PTPRD: variants seen among roughly 807,000 people sequenced by gnomAD.
PTPRD encodes the protein receptor-type tyrosine-protein phosphatase delta.
In PTPRD, 34 loss-of-function variants were observed where a neutral mutation model predicts 214.5. The observed-to-expected ratio is 0.16, with a 90% CI of 0.12 to 0.21. PTPRD has a LOEUF of 0.21. Among genes scored for constraint, PTPRD ranks in the 10% least tolerant of loss-of-function variants. PTPRD has a pLI of 1.00. For missense variants in PTPRD, 2,545 were observed against 2,398.7 expected (o/e 1.06, Z -1.27); for synonymous variants, 1,128 against 845.7 (o/e 1.33, Z -5.79).
chr9:10,247,033 G>C (rs542845173), intron 3 of PTPRD, among the ~76,000 whole-genome samples: 1 of 152,072 alleles, frequency 6.6e-6, no homozygotes, highest in Non-Finnish European at 1.5e-5. Context: ...TAAAAATACA[G>C]AATTGCTATA....
intron 3 of PTPRD, among the ~76,000 whole-genome samples, chr9:10,075,213 T>C (rs1233409468): frequency 6.6e-6 from 1 of 152,116 alleles, no homozygotes; most frequent in Non-Finnish European, 1.5e-5. Context: ...TTTTTATTAC[T>C]GAAAACCTAC....
intron 11 of PTPRD, chr9:8,861,948 A>G (rs2098114358): frequency 6.6e-6 from 1 of 152,248 alleles, no homozygotes; most frequent in Admixed American, 6.5e-5. Context: ...GTCCTCAAAT[A>G]ACAATATTCA....
In PTPRD at chr9:9,492,683, C is replaced by A. The variant is rs539016610; in HGVS notation, c.-237+82049G>T. Among the ~76,000 whole-genome samples the A allele has an allele frequency of 4.1e-3, 621 of 151,232 alleles. 1 individual carries two copies. Among genetic ancestry groups the A allele is most frequent in the Non-Finnish European group, 5.9e-3 (399 of 67,800 alleles). On this transcript the variant is annotated intron_variant, in intron 8 of 45. Transcript: ENST00000381196. The stretch of plus-strand genomic sequence containing the variant: ...TAATAAAAGTCACGTACAGGCATAC[C>A]TTGTTTTATTATGGTTCACTTTATT...
chr9:8,704,758 C>CAAAAAAAAAAAAA (rs569357894), intron 12 of PTPRD, among the ~76,000 whole-genome samples: 33 of 137,890 alleles, frequency 2.4e-4, no homozygotes, highest in African/African-American at 8.5e-4. Context: ...ACTAAAAATA[C>CAAAAAAAAAAAAA]AAAAAAAAAA....
intron 9 of PTPRD, among the ~76,000 whole-genome samples, chr9:9,184,591 T>C (rs896308770): frequency 6.6e-6 from 1 of 152,086 alleles, no homozygotes; most frequent in South Asian, 2.1e-4. Flanking sequence ...GCGTTTTATG[T>C]AAATGAGAAT....
At chr9:8,922,408 C>G (rs150788232) in intron 11 of PTPRD, among the ~76,000 whole-genome samples, 273 of 152,258 alleles carry the variant, frequency 1.8e-3, no homozygotes, top group African/African-American at 5.9e-3. Context: ...GCTAAATGAA[C>G]CATTACTCCA....
At chr9:10,317,574 T>C (rs950964548) in intron 3 of PTPRD, among the ~76,000 whole-genome samples, 8 of 151,976 alleles carry the variant, frequency 5.3e-5, no homozygotes, top group Non-Finnish European at 5.9e-5. Context: ...GCAACTAAAC[T>C]TTACTGGAAG....
intron 11 of PTPRD, among the ~76,000 whole-genome samples, chr9:8,934,432 TATAA>T (rs1472730139): frequency 0.11 from 5,440 of 51,654 alleles, 899 homozygotes; most frequent in African/African-American, 0.29. Context: ...TATATATATA[TATAA>T]ATATATATAT....
chr9:9,153,949 T>G (rs2099879028), intron 10 of PTPRD, among the ~76,000 whole-genome samples: 1 of 152,178 alleles, frequency 6.6e-6, no homozygotes, highest in Non-Finnish European at 1.5e-5. Flanking sequence ...TACTCCCACT[T>G]GCATTCTTCC....
intron 2 of PTPRD, among the ~76,000 whole-genome samples, chr9:10,454,372 A>C (rs918467093): frequency 2.0e-5 from 3 of 151,550 alleles, no homozygotes; most frequent in Non-Finnish European, 4.4e-5. Context: ...TCATGACAAT[A>C]CATCTCCAGG....
chr9:10,038,111 T>G (rs2097221556), intron 3 of PTPRD, among the ~76,000 whole-genome samples: 1 of 152,116 alleles, frequency 6.6e-6, no homozygotes, highest in African/African-American at 2.4e-5. Flanking sequence ...TGAACATGAG[T>G]ACCATTTTAC....
chr9:10,037,575 C>G (rs1589448777), intron 3 of PTPRD, among the ~76,000 whole-genome samples: 1 of 111,968 alleles, frequency 8.9e-6, no homozygotes, highest in South Asian at 2.6e-4. Flanking sequence ...TTCTTTATAG[C>G]AGTGGAAAAA....
intron 8 of PTPRD, among the ~76,000 whole-genome samples, chr9:9,445,443 C>T (rs2090048631): frequency 6.6e-6 from 1 of 152,172 alleles, no homozygotes; most frequent in African/African-American, 2.4e-5. Context: ...AGTCCATTCT[C>T]ATGCTGCTAT....
intron 9 of PTPRD, among the ~76,000 whole-genome samples, chr9:9,322,642 CCT>C (rs1967076091): frequency 6.6e-6 from 1 of 152,018 alleles, no homozygotes; most frequent in Non-Finnish European, 1.5e-5. Context: ...GGATCACTGC[CCT>C]GTTTTATTAA....
chr9:9,541,893 A>G (rs2077667766), intron 8 of PTPRD, among the ~76,000 whole-genome samples: 1 of 151,784 alleles, frequency 6.6e-6, no homozygotes, highest in Non-Finnish European at 1.5e-5. Flanking sequence ...GAAGAGAGGT[A>G]TCTAAAAGAA....
chr9:9,112,931 A>G (rs1215970258), intron 10 of PTPRD, among the ~76,000 whole-genome samples: 1 of 151,744 alleles, frequency 6.6e-6, no homozygotes. Context: ...AGATCACAAT[A>G]GGACAAACTT....
rs536348076 is a variant in PTPRD, at chr9:10,225,752, A to C, written c.-545+115211T>G. Among the ~76,000 whole-genome samples the C allele has an allele frequency of 5.3e-5, 8 of 152,200 alleles. No homozygotes were observed. In the East Asian group the frequency reaches 1.6e-3, roughly 30 times the overall value. On this transcript the variant is annotated intron_variant, in intron 3 of 45. Transcript: ENST00000381196. ...ACTGCAAGAGCATTACTTAAAAATT[A>C]AATGAATCCCATAAATAATGCTATT...
At chr9:9,897,337 A>G (rs1348412707) in intron 5 of PTPRD, among the ~76,000 whole-genome samples, 2 of 152,092 alleles carry the variant, frequency 1.3e-5, no homozygotes, top group African/African-American at 4.8e-5. Context: ...ATATATAAAG[A>G]CAGTATTATG....
intron 11 of PTPRD, among the ~76,000 whole-genome samples, chr9:8,971,066 A>G (rs987582204): frequency 6.6e-6 from 1 of 150,782 alleles, no homozygotes; most frequent in Admixed American, 6.6e-5. Context: ...AAACTGTCAC[A>G]ATTCTTTTCT....
Sources: allele counts gnomAD v4.1 joint callset (sites outside exome capture counted in the v4.1 genomes callset), GRCh38; gene constraint gnomAD v4.1.1; transcripts MANE v1.5; gene names NCBI Gene and HGNC (gene_info 2026-07-23, HGNC 2026-07-21).